The following ZCCHC7 variants were observed in gnomAD, a reference collection of about 807,000 sequenced individuals.
ZCCHC7 encodes the protein zinc finger CCHC-type containing 7.
ZCCHC7 carries 35 observed loss-of-function variants against 52.0 expected under a neutral mutation model. The observed-to-expected ratio is 0.67, with a 90% CI of 0.51 to 0.89. The LOEUF (loss-of-function observed/expected upper bound fraction) is 0.89. ZCCHC7 is among the 40% of genes least tolerant of loss of function. ZCCHC7 has a pLI of 0.00. For missense variants in ZCCHC7, 574 were observed against 649.1 expected (o/e 0.88, Z 1.26); for synonymous variants, 217 against 221.5 (o/e 0.98, Z 0.18).
At chr9:37,297,026 T>G (rs1588629871) in intron 2 of ZCCHC7, among the ~76,000 whole-genome samples, 1 of 152,268 alleles carries the variant, frequency 6.6e-6, no homozygotes, top group East Asian at 1.9e-4. Flanking sequence ...AGTCAGCCAC[T>G]GCATCTGGCC....
chr9:37,166,007 C>T (rs1288385818), intron 2 of ZCCHC7, among the ~76,000 whole-genome samples: 1 of 152,182 alleles, frequency 6.6e-6, no homozygotes, highest in East Asian at 1.9e-4. Context: ...CTTCAGAAAG[C>T]TTCACTGGTT....
intron 2 of ZCCHC7, among the ~76,000 whole-genome samples, chr9:37,130,636 G>A (rs1434938742): frequency 1.3e-5 from 2 of 151,684 alleles, no homozygotes; most frequent in African/African-American, 2.4e-5. Flanking sequence ...GGGACTACAG[G>A]CACCTGCCAC....
At chr9:37,225,778 G>A (rs1195877819) in intron 2 of ZCCHC7, among the ~76,000 whole-genome samples, 1 of 152,132 alleles carries the variant, frequency 6.6e-6, no homozygotes, top group African/African-American at 2.4e-5. Context: ...TTGCAAACTA[G>A]GAGTACAAGG....
At chr9:37,314,745 CT>C (rs71937589) in intron 5 of ZCCHC7, among the ~76,000 whole-genome samples, 8,103 of 112,564 alleles carry the variant, frequency 0.072, 325 homozygotes, top group African/African-American at 0.16. Flanking sequence ...GACCCGATCT[CT>C]TTTAAAAAAA....
At chr9:37,159,468 A>G (rs2132887229) in intron 2 of ZCCHC7, among the ~76,000 whole-genome samples, 1 of 152,320 alleles carries the variant, frequency 6.6e-6, no homozygotes, top group Middle Eastern at 3.4e-3. Context: ...TTTCAAAACA[A>G]AGATGTTATT....
chr9:37,263,667 G>A lies in ZCCHC7; in HGVS notation c.611-38521G>A, dbSNP rs111796045. ...AATTTTATGTAATTATTTTTCACGTGGCAAATTTCATTGTACACTACACAC... is the reference window on the plus strand; with the variant it reads ...AATTTTATGTAATTATTTTTCACGTAGCAAATTTCATTGTACACTACACAC... On this transcript the variant is annotated intron_variant, in intron 2 of 8. Coordinates refer to ENST00000336755, the MANE Select transcript of ZCCHC7 (RefSeq NM_032226.3). 8.5e-5 allele frequency among the ~76,000 whole-genome samples: 13 copies of A among 152,210 alleles called. 3 individuals are homozygous for A. Among genetic ancestry groups the A allele is most frequent in the African/African-American group, 2.9e-4 (12 of 41,558 alleles).
chr9:37,220,320 T>G (rs1206331776), intron 2 of ZCCHC7, among the ~76,000 whole-genome samples: 1 of 151,906 alleles, frequency 6.6e-6, no homozygotes, highest in South Asian at 2.1e-4. Context: ...GCGGGCAGAT[T>G]ACTTGAGGTC....
rs1463894719 is a variant in ZCCHC7, at chr9:37,210,684, T to TC, written c.610+83742_610+83743insC. Among the ~76,000 whole-genome samples the TC allele has an allele frequency of 1.3e-3, 201 of 152,340 alleles. 1 individual carries two copies. The highest frequency in any genetic ancestry group is 2.5e-3 in the Non-Finnish European group (173 of 68,024). On this transcript the variant is annotated intron_variant, in intron 2 of 8. Coordinates refer to ENST00000336755, the MANE Select transcript of ZCCHC7 (RefSeq NM_032226.3). The stretch of plus-strand genomic sequence containing the variant: ...AACCTACTTTTTAAAATCTTATTTC[T>TC]TAGTCCCCTCACAGATTTTCTCTAC...
intron 2 of ZCCHC7, among the ~76,000 whole-genome samples, chr9:37,210,097 T>C (rs950011979): frequency 3.3e-5 from 5 of 152,218 alleles, no homozygotes; most frequent in African/African-American, 9.7e-5. Context: ...TTTATTGTCA[T>C]AGCCAGTCCT....
chr9:37,175,424 C>A (rs2133010140), intron 2 of ZCCHC7, among the ~76,000 whole-genome samples: 1 of 152,136 alleles, frequency 6.6e-6, no homozygotes, highest in South Asian at 2.1e-4. Context: ...CCATTTTAGG[C>A]CAGGCGTGGT....
rs138353627 is a variant in ZCCHC7, at chr9:37,320,374, G to A, written c.952-7425G>A. 3.4e-3 allele frequency among the ~76,000 whole-genome samples: 517 copies of A among 152,266 alleles called. 7 individuals are homozygous for A. Among genetic ancestry groups the A allele is most frequent in the African/African-American group, 0.012 (496 of 41,562 alleles). On this transcript the variant is annotated intron_variant, in intron 5 of 8. Coordinates refer to ENST00000336755, the MANE Select transcript of ZCCHC7 (RefSeq NM_032226.3). ...ATTAGAGGCATGAGCCACCGCACCT[G>A]GCCAACTTCGGTTATTTTTTACAAA... is the stretch of plus-strand genomic sequence containing the variant.
intron 2 of ZCCHC7, among the ~76,000 whole-genome samples, chr9:37,230,847 G>A (rs12000309): frequency 0.33 from 50,465 of 151,874 alleles, 8,733 homozygotes; most frequent in Middle Eastern, 0.41. Context: ...TCTATGTGGT[G>A]GAATAAGTTC....
rs59489076 is a variant in ZCCHC7 at position 37,254,837 on chromosome 9, C to CTTTTTTTTTTTTTT, written c.611-47348_611-47335dup. 8.6e-5 allele frequency among the ~76,000 whole-genome samples: 8 copies of CTTTTTTTTTTTTTT among 93,456 alleles called. 2 individuals are homozygous for CTTTTTTTTTTTTTT. Among genetic ancestry groups the CTTTTTTTTTTTTTT allele is most frequent in the East Asian group, 3.0e-4 (1 of 3,364 alleles). The allele number at this position is 93,456 out of a possible 152,430, so 61.3% of individuals were successfully genotyped here. A position where few individuals can be genotyped will look rare whatever the true frequency, so the allele number is the denominator to read the frequency against. Reference sequence around the variant, plus strand: ...TGCCATGTTAATGCTCAAAAAGTTTCTTTTTTTTTTTTTTTTGGATTTTTG... The same window carrying CTTTTTTTTTTTTTT: ...TGCCATGTTAATGCTCAAAAAGTTTCTTTTTTTTTTTTTTTTTTTTTTTTTTTTTTGGATTTTTG... On this transcript the variant is annotated intron_variant, in intron 2 of 8. Coordinates refer to ENST00000336755, the MANE Select transcript of ZCCHC7 (RefSeq NM_032226.3).
intron 2 of ZCCHC7, among the ~76,000 whole-genome samples, chr9:37,256,203 T>C (rs1041195482): frequency 2.0e-5 from 3 of 152,100 alleles, no homozygotes; most frequent in South Asian, 2.1e-4. Flanking sequence ...TTTGTTTTTT[T>C]CCCCAGATTG....
chr9:37,157,503 G>A (rs1175229546), intron 2 of ZCCHC7, among the ~76,000 whole-genome samples: 1 of 151,902 alleles, frequency 6.6e-6, no homozygotes, highest in Non-Finnish European at 1.5e-5. Flanking sequence ...AAAAAAAGAA[G>A]TTAACCTACA....
intron 2 of ZCCHC7, among the ~76,000 whole-genome samples, chr9:37,132,473 C>A (rs11790290): frequency 1.3e-5 from 2 of 151,956 alleles, no homozygotes; most frequent in Non-Finnish European, 2.9e-5. Context: ...TAACTCTGTG[C>A]CCCTCTGTTA....
chr9:37,221,297 C>T (rs1053051917), intron 2 of ZCCHC7, among the ~76,000 whole-genome samples: 1 of 152,002 alleles, frequency 6.6e-6, no homozygotes, highest in South Asian at 2.1e-4. Flanking sequence ...GATTTAAGGA[C>T]CTGAGTAAGG....
chr9:37,161,230 T>C (rs764714768), intron 2 of ZCCHC7, among the ~76,000 whole-genome samples: 3 of 152,082 alleles, frequency 2.0e-5, no homozygotes, highest in Non-Finnish European at 4.4e-5. Flanking sequence ...ATTACAGGCA[T>C]GAACCACCAT....
intron 6 of ZCCHC7, among the ~76,000 whole-genome samples, chr9:37,341,971 C>A (rs756013048): frequency 4.0e-4 from 61 of 152,064 alleles, no homozygotes; most frequent in Non-Finnish European, 8.1e-4. Context: ...TTGGCTTTTT[C>A]TCTGAGATGA....
Sources: allele counts gnomAD v4.1 joint callset (sites outside exome capture counted in the v4.1 genomes callset), GRCh38; gene constraint gnomAD v4.1.1; transcripts MANE v1.5; gene names NCBI Gene and HGNC (gene_info 2026-07-23, HGNC 2026-07-21).